The following CNTNAP2 variants were observed in gnomAD, a reference collection of about 807,000 sequenced individuals.
The protein encoded by CNTNAP2 is contactin associated protein 2.
Under a neutral mutation model 155.2 loss-of-function variants are expected in CNTNAP2, and 98 were observed. That is an observed-to-expected ratio of 0.63 (90% CI 0.54 to 0.75). The LOEUF (loss-of-function observed/expected upper bound fraction) is 0.75. Ranked by LOEUF, CNTNAP2 falls within the 30% of genes least tolerant of loss-of-function variation. CNTNAP2 has a pLI of 0.00. For missense variants in CNTNAP2, 1,727 were observed against 1,688.1 expected (o/e 1.02, Z -0.40); for synonymous variants, 651 against 631.2 (o/e 1.03, Z -0.47).
At chr7:148,206,427 G>A (rs1428905720) in intron 18 of CNTNAP2, among the ~76,000 whole-genome samples, 1 of 151,836 alleles carries the variant, frequency 6.6e-6, no homozygotes, top group Non-Finnish European at 1.5e-5. Context: ...TGATATAGGA[G>A]TTATTCATAC....
rs1015365362 is a variant in CNTNAP2, at chr7:147,434,136, A to AT, written c.1670+38358dup. Among the ~76,000 whole-genome samples the AT allele has an allele frequency of 4.6e-5, 7 of 152,204 alleles. 1 individual carries two copies. Among genetic ancestry groups the AT allele is most frequent in the African/African-American group, 9.6e-5 (4 of 41,468 alleles). ...GTGAAGAAATATGTTCTTGATGCCT[A>AT]TTCAACTGGGTTTCCTGTTCAAGGT... On this transcript the variant is annotated intron_variant, in intron 10 of 23. Coordinates refer to ENST00000361727, the MANE Select transcript of CNTNAP2 (RefSeq NM_014141.6).
chr7:148,261,169 C>A, intron 20 of CNTNAP2, among the ~76,000 whole-genome samples: 1 of 151,796 alleles, frequency 6.6e-6, no homozygotes, highest in East Asian at 1.9e-4. Flanking sequence ...TGTTGTTTTT[C>A]TTTTTTTCTT....
intron 3 of CNTNAP2, among the ~76,000 whole-genome samples, chr7:146,950,920 A>C (rs1797298545): frequency 6.6e-6 from 1 of 152,174 alleles, no homozygotes; most frequent in Non-Finnish European, 1.5e-5. Flanking sequence ...ACAGTGTAAA[A>C]GTGTTCCTAT....
intron 3 of CNTNAP2, among the ~76,000 whole-genome samples, chr7:146,964,485 G>C (rs1279320834): frequency 6.6e-6 from 1 of 152,150 alleles, no homozygotes; most frequent in African/African-American, 2.4e-5. Flanking sequence ...CAATTTGTTA[G>C]CTGCAGTGTT....
chr7:146,247,799 C>G (rs1035906812), intron 1 of CNTNAP2, among the ~76,000 whole-genome samples: 3 of 151,962 alleles, frequency 2.0e-5, no homozygotes, highest in African/African-American at 7.3e-5. Context: ...ATAACACAGG[C>G]TAAAGGAGAA....
At chr7:146,328,431 T>A (rs1409045828) in intron 1 of CNTNAP2, among the ~76,000 whole-genome samples, 2 of 152,030 alleles carry the variant, frequency 1.3e-5, no homozygotes, top group African/African-American at 4.8e-5. Flanking sequence ...ATATTTAAGG[T>A]ATAAAAGTGA....
At chr7:147,656,695 A>C (rs1368269449) in intron 13 of CNTNAP2, among the ~76,000 whole-genome samples, 2 of 152,206 alleles carry the variant, frequency 1.3e-5, no homozygotes, top group African/African-American at 4.8e-5. Context: ...ATAATAATGA[A>C]AAATTTTAAA....
intron 1 of CNTNAP2, among the ~76,000 whole-genome samples, chr7:146,118,749 T>C (rs1211282759): frequency 2.0e-5 from 3 of 152,180 alleles, no homozygotes; most frequent in Non-Finnish European, 2.9e-5. Flanking sequence ...TTTTCAACTT[T>C]ATAGTTAGAA....
At chr7:147,382,214 A>G (rs1299399631) in intron 9 of CNTNAP2, among the ~76,000 whole-genome samples, 1 of 152,194 alleles carries the variant, frequency 6.6e-6, no homozygotes, top group African/African-American at 2.4e-5. Context: ...GTTTTATTAA[A>G]TAAATAAAAG....
At chr7:147,575,309 G>C (rs1353832609) in intron 12 of CNTNAP2, among the ~76,000 whole-genome samples, 1 of 87,876 alleles carries the variant, frequency 1.1e-5, no homozygotes, top group African/African-American at 5.7e-5. Context: ...CTAGCTTTAG[G>C]GGTATATATA....
intron 1 of CNTNAP2, among the ~76,000 whole-genome samples, chr7:146,179,057 T>C (rs573549833): frequency 6.6e-6 from 1 of 152,342 alleles, no homozygotes; most frequent in South Asian, 2.1e-4. Context: ...AGGTCATGTG[T>C]CACTCATTTA....
Position 147,983,287 on chromosome 7 carries a change from T to C in CNTNAP2, c.2383+5298T>C, listed in dbSNP as rs376858185. 3.8e-4 allele frequency among the ~76,000 whole-genome samples: 58 copies of C among 152,204 alleles called. No individual in the cohort carries two copies. The East Asian group carries it at 8.1e-3, about 21-fold the overall frequency. On this transcript the variant is annotated intron_variant, in intron 15 of 23. Coordinates refer to ENST00000361727, the MANE Select transcript of CNTNAP2 (RefSeq NM_014141.6). ...CCAGGCTCCAGAGAAGAGTTCAAAATTTATTTATCTCCTTTTTCTTTGCTG... is the reference window on the plus strand; with the variant it reads ...CCAGGCTCCAGAGAAGAGTTCAAAACTTATTTATCTCCTTTTTCTTTGCTG...
At chr7:148,256,180 G>A (rs551144209) in intron 20 of CNTNAP2, among the ~76,000 whole-genome samples, 3 of 152,158 alleles carry the variant, frequency 2.0e-5, no homozygotes, top group South Asian at 2.1e-4. Context: ...GCAGGTGGAC[G>A]CTTCCTCCCA....
At chr7:147,487,411 T>A (rs1019797264) in intron 11 of CNTNAP2, among the ~76,000 whole-genome samples, 1 of 152,198 alleles carries the variant, frequency 6.6e-6, no homozygotes, top group Non-Finnish European at 1.5e-5. Context: ...CATCAAAATA[T>A]TAACCTCCAG....
intron 13 of CNTNAP2, among the ~76,000 whole-genome samples, chr7:147,804,587 T>C (rs1798061025): frequency 6.6e-6 from 1 of 152,080 alleles, no homozygotes; most frequent in South Asian, 2.1e-4. Context: ...AGGGTCTCAC[T>C]TTGTCACCCA....
intron 3 of CNTNAP2, among the ~76,000 whole-genome samples, chr7:146,890,468 C>T (rs1023755777): frequency 2.6e-5 from 4 of 152,140 alleles, no homozygotes; most frequent in Non-Finnish European, 5.9e-5. Flanking sequence ...TAAAATTTTC[C>T]TGTCAGCTAC....
intron 1 of CNTNAP2, among the ~76,000 whole-genome samples, chr7:146,339,785 T>C (rs997989953): frequency 3.3e-5 from 5 of 152,062 alleles, no homozygotes; most frequent in African/African-American, 1.2e-4. Flanking sequence ...ACAGGGGATT[T>C]TACTCTTTTC....
intron 1 of CNTNAP2, among the ~76,000 whole-genome samples, chr7:146,633,832 GA>G (rs60993956): frequency 1.8e-3 from 145 of 79,026 alleles, no homozygotes; most frequent in African/African-American, 4.2e-3. Context: ...TGCATCTAGA[GA>G]AAAAAAAAAA....
intron 9 of CNTNAP2, among the ~76,000 whole-genome samples, chr7:147,373,359 A>G (rs1164125184): frequency 6.6e-6 from 1 of 152,122 alleles, no homozygotes; most frequent in Non-Finnish European, 1.5e-5. Context: ...TTTTTTAACC[A>G]GAAGTTGATG....
Sources: gnomAD v4.1 joint callset for allele counts (sites outside exome capture counted in the v4.1 genomes callset) on GRCh38, gnomAD v4.1.1 for gene constraint, MANE v1.5 for transcripts, NCBI Gene and HGNC (gene_info 2026-07-23, HGNC 2026-07-21) for gene names.